The following TGFB2 variants were observed in gnomAD, a reference collection of about 807,000 sequenced individuals.
TGFB2 encodes transforming growth factor beta 2, also known as transforming growth factor beta-2 proprotein.
Under a neutral mutation model 42.7 loss-of-function variants are expected in TGFB2, and 13 were observed. The observed-to-expected ratio is 0.30, with a 90% confidence interval of 0.20 to 0.48. The LOEUF (loss-of-function observed/expected upper bound fraction) is 0.48. Among genes scored for constraint, TGFB2 ranks in the 20% least tolerant of loss-of-function variants. The pLI, the probability that TGFB2 is intolerant of heterozygous loss-of-function variation, is 0.99. For synonymous variants in TGFB2, 193 were observed against 193.6 expected (o/e 1.00, Z 0.03); for missense variants, 390 against 517.5 (o/e 0.75, Z 2.39).
intron 1 of TGFB2, among the ~76,000 whole-genome samples, chr1:218,378,598 G>A (rs1053475869): frequency 6.6e-5 from 10 of 152,178 alleles, no homozygotes; most frequent in Admixed American, 3.9e-4. Flanking sequence ...ATAGATGTGA[G>A]CCACCGTGCC....
intron 2 of TGFB2, among the ~76,000 whole-genome samples, chr1:218,417,496 T>C (rs1419829400): frequency 2.0e-5 from 3 of 152,174 alleles, no homozygotes; most frequent in Non-Finnish European, 2.9e-5. Flanking sequence ...AAATAAAAGT[T>C]TGGAAAATTT....
At chr1:218,384,206 A>G (rs981399232) in intron 1 of TGFB2, among the ~76,000 whole-genome samples, 3 of 152,188 alleles carry the variant, frequency 2.0e-5, no homozygotes, top group Non-Finnish European at 4.4e-5. Context: ...CTTGTCACTC[A>G]TTATTTTATT....
chr1:218,364,796 A>G (rs1028619219), intron 1 of TGFB2, among the ~76,000 whole-genome samples: 2 of 152,190 alleles, frequency 1.3e-5, no homozygotes, highest in Admixed American at 6.5e-5. Flanking sequence ...AGAGAGCCTC[A>G]AAGTGGCTAC....
chr1:218,423,949 C>G (rs1447953764), intron 2 of TGFB2, among the ~76,000 whole-genome samples: 2 of 152,192 alleles, frequency 1.3e-5, no homozygotes, highest in Admixed American at 1.3e-4. Flanking sequence ...GACTCCAAAG[C>G]CTCTGCACCT....
Position 218,434,362 on chromosome 1 carries a change from G to A in TGFB2, c.668G>A (p.Ser223Asn), listed in dbSNP as rs957164399. The A allele has an allele frequency of 6.2e-7, 1 of 1,613,810 alleles. No individual in the cohort carries two copies. The highest frequency in any genetic ancestry group is 8.5e-7 in the Non-Finnish European group (1 of 1,179,930). Residue 223 changes from serine (S) to asparagine (N), a missense_variant, in exon 4 of 7, where the codon AGC (serine) becomes AAC (asparagine). Ser to Asn is a conservative substitution (Grantham distance 46). Transcript: ENST00000366930. Reference sequence around the variant, plus strand: ...GACAGGAACCTGGGATTTAAAATAAGCTTACACTGTCCCTGCTGCACTTTT... The same window carrying A: ...GACAGGAACCTGGGATTTAAAATAAACTTACACTGTCCCTGCTGCACTTTT... ...HKDRNLGFKI[S>N]LHCPCCTFVP...
intron 6 of TGFB2, among the ~76,000 whole-genome samples, chr1:218,440,193 G>C (rs903688885): frequency 6.6e-6 from 1 of 152,192 alleles, no homozygotes; most frequent in Non-Finnish European, 1.5e-5. Flanking sequence ...GCATAGGTTA[G>C]TGGAGGGTTG....
At chr1:218,421,406 A>AT (rs57316043) in intron 2 of TGFB2, among the ~76,000 whole-genome samples, 14,573 of 150,142 alleles carry the variant, frequency 0.097, 931 homozygotes, top group African/African-American at 0.17. Context: ...TAAAAGACCG[A>AT]TTGTTCAGGG....
chr1:218,382,860 C>T (rs2799086), intron 1 of TGFB2, among the ~76,000 whole-genome samples: 41,467 of 152,080 alleles, frequency 0.27, 8,627 homozygotes, highest in African/African-American at 0.59. Flanking sequence ...ACTTCTACTT[C>T]CCGTAGGAGT....
At chr1:218,355,015 G>A (rs1257184369) in intron 1 of TGFB2, among the ~76,000 whole-genome samples, 1 of 152,162 alleles carries the variant, frequency 6.6e-6, no homozygotes, top group Non-Finnish European at 1.5e-5. Context: ...CAATTCTCCT[G>A]CCTCAGCCTC....
At chr1:218,390,406 C>T (rs1658282422) in intron 1 of TGFB2, among the ~76,000 whole-genome samples, 1 of 151,896 alleles carries the variant, frequency 6.6e-6, no homozygotes, top group African/African-American at 2.4e-5. Flanking sequence ...CTGTGCTTTC[C>T]AATAAGTTGG....
chr1:218,435,748 G>A (rs1252445598), intron 4 of TGFB2, among the ~76,000 whole-genome samples: 1 of 152,204 alleles, frequency 6.6e-6, no homozygotes, highest in Non-Finnish European at 1.5e-5. Context: ...ACACCGAACT[G>A]CCTTCTGACA....
At chr1:218,377,942 T>C (rs1657798386) in intron 1 of TGFB2, among the ~76,000 whole-genome samples, 1 of 151,714 alleles carries the variant, frequency 6.6e-6, no homozygotes, top group Non-Finnish European at 1.5e-5. Flanking sequence ...TTTTAATTCA[T>C]TACATATATT....
chr1:218,366,502 G>T (rs940876392), intron 1 of TGFB2, among the ~76,000 whole-genome samples: 1 of 152,084 alleles, frequency 6.6e-6, no homozygotes, highest in Non-Finnish European at 1.5e-5. Flanking sequence ...TTAGAGATGG[G>T]GTCTTGCTAT....
intron 2 of TGFB2, among the ~76,000 whole-genome samples, chr1:218,425,667 G>C (rs1181842739): frequency 1.9e-4 from 29 of 152,224 alleles, no homozygotes; most frequent in Admixed American, 1.9e-3. Flanking sequence ...AGGAAGACTA[G>C]TTGATGGAAA....
In TGFB2 at chr1:218,352,717, A is replaced by T. The variant is rs1342011353; in HGVS notation, c.346+5670A>T. On this transcript the variant is annotated intron_variant, in intron 1 of 6. Coordinates refer to ENST00000366930, the MANE Select transcript of TGFB2 (RefSeq NM_003238.6). ...TTCCTGAATTGGCTTGGTGGTCTTGACTCTGAATGAAACTGCCCCTTGGCC... is the reference window on the plus strand; with the variant it reads ...TTCCTGAATTGGCTTGGTGGTCTTGTCTCTGAATGAAACTGCCCCTTGGCC... Among the ~76,000 whole-genome samples the T allele has an allele frequency of 6.6e-5, 10 of 152,186 alleles. No individual in the cohort carries two copies. In the East Asian group the frequency reaches 1.7e-3, roughly 27 times the overall value.
At position 218,430,500 on chromosome 1, in the gene TGFB2, G is replaced by T. The variant is rs138987819; in HGVS notation, c.511-3582G>T. On this transcript the variant is annotated intron_variant, in intron 2 of 6. Coordinates refer to ENST00000366930, the MANE Select transcript of TGFB2 (RefSeq NM_003238.6). Reference sequence around the variant, plus strand: ...ACTACTAACATTCAATACTCTTGTTGTTTGGAGACCTGAGAAAGACAGACA... The same window carrying T: ...ACTACTAACATTCAATACTCTTGTTTTTTGGAGACCTGAGAAAGACAGACA... Among the ~76,000 whole-genome samples, 710 of 152,238 alleles carry T rather than the reference G, an allele frequency of 4.7e-3. 12 individuals are homozygous for T. Among genetic ancestry groups the T allele is most frequent in the African/African-American group, 0.016 (682 of 41,530 alleles).
At chr1:218,380,510 G>A (rs903999633) in intron 1 of TGFB2, among the ~76,000 whole-genome samples, 1 of 152,084 alleles carries the variant, frequency 6.6e-6, no homozygotes, top group Non-Finnish European at 1.5e-5. Flanking sequence ...TGTTTATAGA[G>A]TTGGAAGATT....
intron 2 of TGFB2, among the ~76,000 whole-genome samples, chr1:218,415,881 A>G (rs1659263062): frequency 6.6e-6 from 1 of 151,936 alleles, no homozygotes; most frequent in East Asian, 1.9e-4. Context: ...CTGGCACACA[A>G]GATGCGGAAG....
At chr1:218,350,724 A>T (rs1656843965) in intron 1 of TGFB2, among the ~76,000 whole-genome samples, 1 of 152,194 alleles carries the variant, frequency 6.6e-6, no homozygotes, top group Non-Finnish European at 1.5e-5. Context: ...TAAATTAGAG[A>T]CATCAAAACT....
Sources: gnomAD v4.1 joint callset for allele counts (sites outside exome capture counted in the v4.1 genomes callset) on GRCh38, gnomAD v4.1.1 for gene constraint, MANE v1.5 for transcripts, NCBI Gene and HGNC (gene_info 2026-07-23, HGNC 2026-07-21) for gene names.